NRG3: variants seen among roughly 807,000 people sequenced by gnomAD.
The protein encoded by NRG3 is neuregulin 3.
A neutral mutation model predicts 66.9 loss-of-function variants in NRG3; 31 were observed. The ratio of observed to expected loss-of-function variants is 0.46; its 90% CI spans 0.35 to 0.63. The LOEUF (loss-of-function observed/expected upper bound fraction) is 0.63, where lower values mean the gene tolerates loss of function less well. Among genes scored for constraint, NRG3 ranks in the 20% least tolerant of loss-of-function variants. NRG3 has a pLI of 0.00. For synonymous variants in NRG3, 393 were observed against 359.4 expected, an observed-to-expected ratio of 1.09 and a Z score of -1.06; for missense variants, 910 against 878.9, an observed-to-expected ratio of 1.04 and a Z score of -0.45.
At chr10:82,872,038 G>A (rs548800588) in intron 4 of NRG3, among the ~76,000 whole-genome samples, 109 of 152,112 alleles carry the variant, frequency 7.2e-4, no homozygotes, top group African/African-American at 2.2e-3. Context: ...ATTATATTAG[G>A]TATAGATATT....
intron 8 of NRG3, among the ~76,000 whole-genome samples, chr10:82,983,350 C>T (rs942800850): frequency 6.6e-6 from 1 of 152,108 alleles, no homozygotes; most frequent in Non-Finnish European, 1.5e-5. Flanking sequence ...ATATTTTTAG[C>T]TCATATATTT....
chr10:81,903,918 G>C (rs1309120378), intron 1 of NRG3, among the ~76,000 whole-genome samples: 1 of 151,814 alleles, frequency 6.6e-6, no homozygotes. Flanking sequence ...AGGAAAGTGA[G>C]TCACATGCTC....
chr10:82,025,448 A>G (rs1239569864), intron 1 of NRG3, among the ~76,000 whole-genome samples: 2 of 151,900 alleles, frequency 1.3e-5, no homozygotes, highest in East Asian at 1.9e-4. Flanking sequence ...TATAAATAAT[A>G]GTATGTTTAC....
At chr10:82,112,819 A>T (rs2067467828) in intron 1 of NRG3, among the ~76,000 whole-genome samples, 1 of 152,038 alleles carries the variant, frequency 6.6e-6, no homozygotes, top group Non-Finnish European at 1.5e-5. Flanking sequence ...TTTGCAATGG[A>T]TATGTATTTC....
chr10:82,498,823 A>T (rs1843859545), intron 2 of NRG3, among the ~76,000 whole-genome samples: 1 of 152,114 alleles, frequency 6.6e-6, no homozygotes, highest in Admixed American at 6.6e-5. Flanking sequence ...GAGAAAGCAT[A>T]AGCAAAAACT....
intron 1 of NRG3, among the ~76,000 whole-genome samples, chr10:82,339,754 T>C (rs974222281): frequency 6.6e-6 from 1 of 152,160 alleles, no homozygotes; most frequent in Non-Finnish European, 1.5e-5. Flanking sequence ...TTTTGTCTTC[T>C]TGGTCCTTAA....
chr10:82,656,390 C>T (rs1164095021), intron 2 of NRG3, among the ~76,000 whole-genome samples: 1 of 147,862 alleles, frequency 6.8e-6, no homozygotes, highest in East Asian at 2.0e-4. Flanking sequence ...CAAATAAATA[C>T]CAAATTTGAA....
chr10:82,306,703 TAAAAAAAAAAAAAAAAAAAAA>T (rs71009805), intron 1 of NRG3, among the ~76,000 whole-genome samples: 1 of 35,882 alleles, frequency 2.8e-5, no homozygotes, highest in Non-Finnish European at 5.0e-5. Flanking sequence ...GACTCCGTCT[TAAAAAAAAAAAAAAAAAAAAA>T]AAAAAAAAAA....
At position 82,985,640 on chromosome 10, in the gene NRG3, G is replaced by C; in HGVS notation, c.*35G>C. On this transcript the variant is annotated 3_prime_UTR_variant, in exon 9 of 9. Coordinates refer to ENST00000372141, the MANE Select transcript of NRG3 (RefSeq NM_001010848.4). Reference sequence around the variant, plus strand: ...TAGGAATCTGTGCATTCTATGCTTTGCTCAACAGGAAAGAGAGGAAATCAA... The same window carrying C: ...TAGGAATCTGTGCATTCTATGCTTTCCTCAACAGGAAAGAGAGGAAATCAA... 1.3e-6 allele frequency: 2 copies of C among 1,576,754 alleles called. No homozygotes were observed. Among genetic ancestry groups the C allele is most frequent in the Non-Finnish European group, 1.7e-6 (2 of 1,167,702 alleles).
intron 2 of NRG3, among the ~76,000 whole-genome samples, chr10:82,728,547 T>C (rs2057733446): frequency 6.6e-6 from 1 of 152,336 alleles, no homozygotes; most frequent in African/African-American, 2.4e-5. Context: ...CATGTGGAAC[T>C]GTAAGTCCAT....
At chr10:82,797,101 C>G (rs1012858371) in intron 3 of NRG3, among the ~76,000 whole-genome samples, 2 of 152,114 alleles carry the variant, frequency 1.3e-5, no homozygotes, top group Admixed American at 6.5e-5. Context: ...AACCTTTTTA[C>G]AATCAGTCTT....
At chr10:82,006,354 T>G (rs2061375830) in intron 1 of NRG3, among the ~76,000 whole-genome samples, 1 of 152,134 alleles carries the variant, frequency 6.6e-6, no homozygotes, top group African/African-American at 2.4e-5. Flanking sequence ...TGTTGTATGA[T>G]ACTCCATTTT....
At chr10:82,879,815 AGTAGTACTGAGG>A (rs1842149736) in intron 4 of NRG3, among the ~76,000 whole-genome samples, 1 of 152,082 alleles carries the variant, frequency 6.6e-6, no homozygotes, top group Non-Finnish European at 1.5e-5. Context: ...CAGTTCACTT[AGTAGTACTGAGG>A]GTTAAAGGTG....
intron 2 of NRG3, among the ~76,000 whole-genome samples, chr10:82,729,673 G>T (rs1408059398): frequency 1.3e-5 from 2 of 152,174 alleles, no homozygotes; most frequent in Admixed American, 6.5e-5. Flanking sequence ...TCAGACTGAT[G>T]TGAGAACTCT....
At chr10:82,872,445 C>G (rs1395155447) in intron 4 of NRG3, among the ~76,000 whole-genome samples, 1 of 152,066 alleles carries the variant, frequency 6.6e-6, no homozygotes, top group African/African-American at 2.4e-5. Context: ...ATGACCAGCT[C>G]TATTAGTGAG....
chr10:82,212,743 A>G lies in NRG3; in HGVS notation c.824-145996A>G, dbSNP rs574106404. Among the ~76,000 whole-genome samples the G allele has an allele frequency of 2.6e-5, 4 of 152,354 alleles. No homozygotes were observed. The East Asian group carries it at 7.7e-4, about 29-fold the overall frequency. ...CTTTTTATGTGATAATATTTGAAAC[A>G]TTAATATATGTGCCATTTATCTATT... On this transcript the variant is annotated intron_variant, in intron 1 of 8. Transcript: ENST00000372141.
chr10:82,321,135 G>A (rs1046152161), intron 1 of NRG3, among the ~76,000 whole-genome samples: 5 of 152,326 alleles, frequency 3.3e-5, no homozygotes, highest in South Asian at 2.1e-4. Flanking sequence ...CCCCTGGGGC[G>A]TCAGTGGTTG....
At chr10:82,597,741 T>C (rs181793227) in intron 2 of NRG3, among the ~76,000 whole-genome samples, 34 of 152,162 alleles carry the variant, frequency 2.2e-4, no homozygotes, top group Middle Eastern at 3.4e-3. Context: ...GCCAACATGG[T>C]GAAACCCCGT....
chr10:82,069,793 AAATT>A (rs2064700362), intron 1 of NRG3, among the ~76,000 whole-genome samples: 1 of 152,208 alleles, frequency 6.6e-6, no homozygotes, highest in Non-Finnish European at 1.5e-5. Context: ...CTGCTCTGGT[AAATT>A]AATTGGTACA....
Sources: gnomAD v4.1 joint callset for allele counts (sites outside exome capture counted in the v4.1 genomes callset) on GRCh38, gnomAD v4.1.1 for gene constraint, MANE v1.5 for transcripts, NCBI Gene and HGNC (gene_info 2026-07-23, HGNC 2026-07-21) for gene names.